DPYSL3: variants seen among roughly 807,000 people sequenced by gnomAD.
DPYSL3 encodes the protein dihydropyrimidinase-related protein 3.
A neutral mutation model predicts 66.1 loss-of-function variants in DPYSL3; 16 were observed. The observed-to-expected ratio is 0.24, with a 90% CI of 0.16 to 0.37. The LOEUF is 0.37. Among genes scored for constraint, DPYSL3 ranks in the 10% least tolerant of loss-of-function variants. The pLI, the probability that DPYSL3 is intolerant of heterozygous loss-of-function variation, is 1.00. For synonymous variants in DPYSL3, 338 were observed against 345.1 expected (o/e 0.98, Z 0.23); for missense variants, 738 against 916.2 (o/e 0.81, Z 2.51).
intron 1 of DPYSL3, among the ~76,000 whole-genome samples, chr5:147,467,357 G>C (rs1753025510): frequency 6.6e-6 from 1 of 152,172 alleles, no homozygotes; most frequent in South Asian, 2.1e-4. Flanking sequence ...GAAAGGAGTT[G>C]CTGGTGTATA....
chr5:147,508,821 C>G (rs1581223399), intron 1 of DPYSL3, among the ~76,000 whole-genome samples: 1 of 152,172 alleles, frequency 6.6e-6, no homozygotes. Flanking sequence ...CCCTGTAATA[C>G]CCAGTCTTGT....
chr5:147,392,752 T>C lies in DPYSL3; in HGVS notation c.*1283A>G, dbSNP rs1204734556. ...TGTCACTTCCACTCACTTGGGGAGATTCTAGGACTGAGACACAAAGTTCCC... is the reference window on the plus strand; with the variant it reads ...TGTCACTTCCACTCACTTGGGGAGACTCTAGGACTGAGACACAAAGTTCCC... On this transcript the variant is annotated 3_prime_UTR_variant, in exon 14 of 14. Coordinates refer to ENST00000343218, the MANE Select transcript of DPYSL3 (RefSeq NM_001197294.2). 1 of 152,132 alleles carries C rather than the reference T, an allele frequency of 6.6e-6. No individual in the cohort carries two copies. The highest frequency in any genetic ancestry group is 1.5e-5 in the Non-Finnish European group (1 of 68,034). 9.4% of individuals were successfully genotyped at this position (152,132 alleles called of 1,614,324 possible).
intron 12 of DPYSL3, among the ~76,000 whole-genome samples, chr5:147,396,490 C>G (rs1321329903): frequency 6.6e-6 from 1 of 152,170 alleles, no homozygotes; most frequent in Non-Finnish European, 1.5e-5. Flanking sequence ...AGAGGGGAGG[C>G]AATGAGGACG....
intron 8 of DPYSL3, among the ~76,000 whole-genome samples, chr5:147,402,594 G>T (rs890912432): frequency 7.4e-6 from 1 of 135,452 alleles, no homozygotes; most frequent in Non-Finnish European, 1.5e-5. Context: ...TGATCCGCCC[G>T]CCTCGGCCTC....
rs373475070 is a variant in DPYSL3 at position 147,397,709 on chromosome 5, G to A, written c.1760C>T (p.Pro587Leu). 7.4e-6 allele frequency: 12 copies of A among 1,614,098 alleles called. No individual in the cohort carries two copies. Among genetic ancestry groups the A allele is most frequent in the African/African-American group, 2.7e-5 (2 of 75,024 alleles). ...QGAGRFIPCS[P>L]FSDYVYKRIK... ...GCGCTTGTAGACATAGTCGGAGAAC[G>A]GGCTGCAGGGTATGAAGCGGCCAGC... is the stretch of plus-strand genomic sequence containing the variant. Residue 587 changes from proline to leucine, a missense_variant, in exon 12 of 14, where the codon CCG (proline) becomes CTG (leucine). Pro to Leu is a moderately conservative substitution (Grantham distance 98). Coordinates refer to ENST00000343218, the MANE Select transcript of DPYSL3 (RefSeq NM_001197294.2).
At chr5:147,467,636 A>G (rs531882663) in intron 1 of DPYSL3, among the ~76,000 whole-genome samples, 9 of 152,252 alleles carry the variant, frequency 5.9e-5, no homozygotes, top group Non-Finnish European at 1.2e-4. Flanking sequence ...TCACAGCTAC[A>G]AACAATTTAC....
At chr5:147,401,788 G>C (rs1409984630) in intron 8 of DPYSL3, 92 bp from the exon 9 acceptor site, 2 of 1,493,460 alleles carry the variant, frequency 1.3e-6, no homozygotes, top group African/African-American at 2.8e-5. Context: ...GCCTACCCAG[G>C]ACTGTGTCTC....
chr5:147,440,550 G>A (rs372856931), intron 1 of DPYSL3, among the ~76,000 whole-genome samples: 5 of 152,028 alleles, frequency 3.3e-5, no homozygotes, highest in East Asian at 1.9e-4. Context: ...CACGGCCCAC[G>A]GCACATCACT....
At position 147,408,805 on chromosome 5, in the gene DPYSL3, A is replaced by G. The variant is rs769985007; in HGVS notation, c.964-9T>C. On this transcript the variant is annotated splice_polypyrimidine_tract_variant and intron_variant, in intron 6 of 13. Transcript: ENST00000343218. ...AACATGCGGGTTTGCTCCTGAAATG[A>G]AAAAAGAAAATAGTTCTTCAATAAG... The G allele has an allele frequency of 1.2e-5, 19 of 1,614,064 alleles. No homozygotes were observed. The highest frequency in any genetic ancestry group is 3.3e-5 in the Admixed American group (2 of 60,004).
chr5:147,499,990 C>CA (rs966567818), intron 1 of DPYSL3, among the ~76,000 whole-genome samples: 9 of 150,174 alleles, frequency 6.0e-5, no homozygotes, highest in Non-Finnish European at 1.0e-4. Context: ...CACCTATGTG[C>CA]AAAAAAAAAT....
intron 1 of DPYSL3, among the ~76,000 whole-genome samples, chr5:147,461,813 T>C (rs73794764): frequency 0.049 from 7,445 of 152,154 alleles, 640 homozygotes; most frequent in African/African-American, 0.17. Flanking sequence ...TTTCACAGAC[T>C]ACCATTTATT....
intron 2 of DPYSL3, among the ~76,000 whole-genome samples, chr5:147,423,140 TATA>T (rs977700019): frequency 2.4e-4 from 37 of 152,326 alleles, no homozygotes; most frequent in African/African-American, 7.9e-4. Context: ...GCCAACTATA[TATA>T]ATAATTTTTT....
chr5:147,462,313 C>T (rs1007135982), intron 1 of DPYSL3, among the ~76,000 whole-genome samples: 2 of 152,126 alleles, frequency 1.3e-5, no homozygotes, highest in East Asian at 3.8e-4. Flanking sequence ...ATCCTTTCCT[C>T]CACCATAATA....
At position 147,408,857 on chromosome 5, in the gene DPYSL3, C is replaced by T. The variant is rs1751782859; in HGVS notation, c.964-61G>A. On this transcript the variant is annotated intron_variant, in intron 6 of 13. Transcript: ENST00000343218. Reference sequence around the variant, plus strand: ...TCAAGTGAGATTTGGAAAAATTACGCTGGTATGTTCTGATCTAAAGATCTA... The same window carrying T: ...TCAAGTGAGATTTGGAAAAATTACGTTGGTATGTTCTGATCTAAAGATCTA... The T allele has an allele frequency of 2.7e-6, 4 of 1,499,050 alleles. No individual in the cohort carries two copies. The East Asian group carries it at 6.8e-5, about 25-fold the overall frequency. 92.9% of individuals were successfully genotyped at this position (1,499,050 alleles called of 1,614,324 possible). A position where few individuals can be genotyped will look rare whatever the true frequency, so the allele number is the denominator to read the frequency against.
intron 2 of DPYSL3, 145 bp from the exon 3 acceptor site, chr5:147,418,776 G>T: frequency 1.5e-6 from 1 of 678,956 alleles, no homozygotes; most frequent in Non-Finnish European, 2.4e-6. Context: ...CACAAGCTTA[G>T]CAATCTATAA....
chr5:147,484,164 G>A (rs1453070096), intron 1 of DPYSL3, among the ~76,000 whole-genome samples: 1 of 152,176 alleles, frequency 6.6e-6, no homozygotes, highest in African/African-American at 2.4e-5. Context: ...CGTGCTGCTG[G>A]CCACTTCATT....
intron 12 of DPYSL3, among the ~76,000 whole-genome samples, chr5:147,396,960 T>A (rs1327176371): frequency 2.7e-5 from 4 of 147,356 alleles, no homozygotes; most frequent in African/African-American, 9.9e-5. Context: ...ATACGCATTT[T>A]TGTTTTTAAT....
chr5:147,431,850 C>G (rs150214623), intron 1 of DPYSL3, among the ~76,000 whole-genome samples: 13 of 152,266 alleles, frequency 8.5e-5, no homozygotes, highest in African/African-American at 3.1e-4. Context: ...ACAATCTACA[C>G]TCTTCCAGCA....
intron 1 of DPYSL3, among the ~76,000 whole-genome samples, chr5:147,452,727 G>A (rs1752756404): frequency 6.6e-6 from 1 of 152,020 alleles, no homozygotes; most frequent in African/African-American, 2.4e-5. Context: ...TCTGACACCC[G>A]CCAGTCGCGG....
Sources: allele counts gnomAD v4.1 joint callset (sites outside exome capture counted in the v4.1 genomes callset), GRCh38; gene constraint gnomAD v4.1.1; transcripts MANE v1.5; gene names NCBI Gene and HGNC (gene_info 2026-07-23, HGNC 2026-07-21).